The following MYH11 variants were observed in gnomAD, a reference collection of about 807,000 sequenced individuals.
The protein encoded by MYH11 is myosin-11.
MYH11 carries 80 observed loss-of-function variants against 246.6 expected under a neutral mutation model. The ratio of observed to expected loss-of-function variants is 0.32; its 90% CI spans 0.27 to 0.39. The LOEUF (loss-of-function observed/expected upper bound fraction) is 0.39, where lower values mean the gene tolerates loss of function less well. MYH11 is among the 10% of genes least tolerant of loss of function. The pLI is 1.00. For missense variants in MYH11, 2,158 were observed against 2,546.8 expected (o/e 0.85, Z 3.29); for synonymous variants, 1,071 against 1,015.5 (o/e 1.05, Z -1.04).
intron 40 of MYH11, among the ~76,000 whole-genome samples, chr16:15,709,909 G>A (rs2039682132): frequency 6.6e-6 from 1 of 152,142 alleles, no homozygotes; most frequent in South Asian, 2.1e-4. Flanking sequence ...CCAGTGGTAG[G>A]TAAGTGGGTC....
At chr16:15,712,340 C>G (rs1416239118) in intron 40 of MYH11, among the ~76,000 whole-genome samples, 1 of 152,060 alleles carries the variant, frequency 6.6e-6, no homozygotes, top group Non-Finnish European at 1.5e-5. Context: ...GACCTCTCAC[C>G]TAGCGCTGGG....
At position 15,717,317 on chromosome 16, in the gene MYH11, T is replaced by C; in HGVS notation, c.5327A>G (p.Glu1776Gly). 6.2e-7 allele frequency: 1 copy of C among 1,611,108 alleles called. No individual in the cohort carries two copies. The highest frequency in any genetic ancestry group is 1.1e-5 in the South Asian group (1 of 91,088). The change falls in exon 38 of 41, where the codon GAG (glutamate) becomes GGG (glycine). Residue 1776 changes from glutamate (E) to glycine (G), a missense_variant. By Grantham distance (98) the Glu-to-Gly change is moderately conservative. Coordinates refer to ENST00000300036, the MANE Select transcript of MYH11 (RefSeq NM_002474.3). ...AEQLSNELAT[E>G]RSTAQKNESA... Reference sequence around the variant, plus strand: ...CTCATTCTTCTGGGCCGTGCTGCGCTCTGTGGCCAGCTCGTTGCTGAGCTG... The same window carrying C: ...CTCATTCTTCTGGGCCGTGCTGCGCCCTGTGGCCAGCTCGTTGCTGAGCTG...
chr16:15,834,811 C>T (rs954177466), intron 2 of MYH11, among the ~76,000 whole-genome samples: 4 of 151,900 alleles, frequency 2.6e-5, no homozygotes, highest in Non-Finnish European at 5.9e-5. Flanking sequence ...GGCTCACACC[C>T]GTAATCCCAG....
In MYH11 at chr16:15,738,705, A is replaced by T. The variant is rs1299825273; in HGVS notation, c.2998-17T>A. On this transcript the variant is annotated splice_polypyrimidine_tract_variant and intron_variant, in intron 23 of 40. Transcript: ENST00000300036. ...TTTTCGTTCCTTTTTGGGGAAAGAG[A>T]AAGAGATAGCTTTAGGATTTTTCTT... 6.2e-7 allele frequency: 1 copy of T among 1,612,882 alleles called. No homozygotes were observed. Among genetic ancestry groups the T allele is most frequent in the Admixed American group, 1.7e-5 (1 of 59,976 alleles).
intron 3 of MYH11, among the ~76,000 whole-genome samples, chr16:15,810,667 G>A (rs556652490): frequency 1.7e-3 from 265 of 152,302 alleles, no homozygotes; most frequent in African/African-American, 6.0e-3. Flanking sequence ...AGAAACAGCT[G>A]GGAATTACTT....
intron 1 of MYH11, among the ~76,000 whole-genome samples, chr16:15,840,786 T>G (rs944964582): frequency 6.6e-6 from 1 of 152,174 alleles, no homozygotes; most frequent in Non-Finnish European, 1.5e-5. Flanking sequence ...TGAACATGTA[T>G]GATTATTTGT....
At chr16:15,784,905 C>A in intron 5 of MYH11, 1 of 648,050 alleles carries the variant, frequency 1.5e-6, no homozygotes, top group South Asian at 2.0e-5. Flanking sequence ...ACGATCACAG[C>A]TCACTGCAGT....
chr16:15,805,870 T>G lies in MYH11; in HGVS notation c.503-7183A>C, dbSNP rs1443709628. Among the ~76,000 whole-genome samples, 3 of 152,116 alleles carry G rather than the reference T, an allele frequency of 2.0e-5. No individual in the cohort carries two copies. In the East Asian group the frequency reaches 5.8e-4, roughly 29 times the overall value. On this transcript the variant is annotated intron_variant, in intron 3 of 40. Transcript: ENST00000300036. ...GGTGGAGGTTGTAGTAAGCCACGAC[T>G]GCACCACGGTACTCCAGCTGGGGTG...
chr16:15,737,466 C>G lies in MYH11; in HGVS notation c.3276G>C (p.Leu1092=), dbSNP rs756933550. Reference sequence around the variant, plus strand: ...CCCGCTACCTGGCCAGGGCCGCCTGCAGCTCCTCCTCCTTCTTGGCCAGCT... The same window carrying G: ...CCCGCTACCTGGCCAGGGCCGCCTGGAGCTCCTCCTCCTTCTTGGCCAGCT... ...KMQLAKKEEE[L]QAALARLDDE... is the part of the protein sequence containing the mutation. The change falls in exon 25 of 41, where the codon CTG becomes CTC. Residue 1092 remains leucine (L), a synonymous_variant. Transcript: ENST00000300036. 1 of 1,613,224 alleles carries G rather than the reference C, an allele frequency of 6.2e-7. No individual in the cohort carries two copies. Among genetic ancestry groups the G allele is most frequent in the Non-Finnish European group, 8.5e-7 (1 of 1,180,030 alleles).
chr16:15,792,597 G>T (rs2042635975), intron 4 of MYH11: 1 of 151,978 alleles, frequency 6.6e-6, no homozygotes, highest in African/African-American at 2.4e-5. Flanking sequence ...AAACAAGTGG[G>T]TGCGGCTGTG....
chr16:15,772,915 G>A (rs1374883191), intron 8 of MYH11, among the ~76,000 whole-genome samples: 2 of 152,036 alleles, frequency 1.3e-5, no homozygotes, highest in African/African-American at 4.8e-5. Context: ...ATCTGTCACT[G>A]TCCCCCATCA....
rs750392847 is a variant in MYH11, at chr16:15,756,419, C to T, written c.1671G>A (p.Gln557=). The part of the protein sequence containing the change: ...KSFVEKLCTE[Q]GSHPKFQKPK... Reference sequence around the variant, plus strand: ...GCTTCTGGAACTTGGGGTGGCTGCCCTGCTCCGTGCACAGCTTCTCCACGA... The same window carrying T: ...GCTTCTGGAACTTGGGGTGGCTGCCTTGCTCCGTGCACAGCTTCTCCACGA... The change falls in exon 14 of 41, where the codon CAG becomes CAA. Residue 557 remains glutamine (Q), a synonymous_variant. Transcript: ENST00000300036. 6.2e-7 allele frequency: 1 copy of T among 1,614,176 alleles called. No individual in the cohort carries two copies. The highest frequency in any genetic ancestry group is 8.5e-7 in the Non-Finnish European group (1 of 1,180,044).
intron 1 of MYH11, among the ~76,000 whole-genome samples, chr16:15,841,743 A>G (rs966139100): frequency 2.6e-5 from 4 of 152,200 alleles, no homozygotes; most frequent in Admixed American, 2.0e-4. Flanking sequence ...TCCTGGAAAC[A>G]CTGGCTTACA....
chr16:15,776,777 G>A (rs577391958), intron 7 of MYH11, among the ~76,000 whole-genome samples: 4 of 152,280 alleles, frequency 2.6e-5, no homozygotes, highest in South Asian at 2.1e-4. Context: ...CCGTAAACAC[G>A]CCACACTAAT....
intron 15 of MYH11, among the ~76,000 whole-genome samples, chr16:15,751,753 C>T (rs1489268820): frequency 1.3e-5 from 2 of 151,734 alleles, no homozygotes; most frequent in Non-Finnish European, 2.9e-5. Flanking sequence ...GCTGGGATTA[C>T]AGGCACCCAC....
At chr16:15,770,639 T>A (rs2042079662) in intron 9 of MYH11, among the ~76,000 whole-genome samples, 1 of 152,148 alleles carries the variant, frequency 6.6e-6, no homozygotes, top group Non-Finnish European at 1.5e-5. Flanking sequence ...CACATGTTCC[T>A]GATGAGGCCA....
At chr16:15,785,554 C>T (rs1850110121) in intron 5 of MYH11, 1 of 151,820 alleles carries the variant, frequency 6.6e-6, no homozygotes. Context: ...GGCCTCCAGA[C>T]AAGCCGGCCA....
At chr16:15,786,525 T>A (rs1432204120) in intron 5 of MYH11, 105 bp downstream of exon 5, 2 of 1,110,360 alleles carry the variant, frequency 1.8e-6, no homozygotes, top group Non-Finnish European at 2.8e-6. Flanking sequence ...GGTAGTCAGA[T>A]GGGGCCTGAG....
chr16:15,705,807 G>A (rs561079033), intron 40 of MYH11, among the ~76,000 whole-genome samples: 6 of 151,598 alleles, frequency 4.0e-5, no homozygotes, highest in African/African-American at 1.2e-4. Context: ...TGGTGAAACC[G>A]TGTCTCTACT....
Sources: allele counts gnomAD v4.1 joint callset (sites outside exome capture counted in the v4.1 genomes callset), GRCh38; gene constraint gnomAD v4.1.1; transcripts MANE v1.5; gene names NCBI Gene and HGNC (gene_info 2026-07-23, HGNC 2026-07-21).